The following MTRF1 variants were observed in gnomAD, a reference collection of about 807,000 sequenced individuals.
MTRF1 encodes the protein mitochondrial translation release factor 1, also known as peptide chain release factor 1, mitochondrial.
A neutral mutation model predicts 62.9 loss-of-function variants in MTRF1; 51 were observed. That is an observed-to-expected ratio of 0.81 (90% CI 0.65 to 1.02). The LOEUF (loss-of-function observed/expected upper bound fraction) is 1.02, where lower values mean the gene tolerates loss of function less well. Among genes scored for constraint, MTRF1 ranks in the 50% least tolerant of loss-of-function variants. MTRF1 has a pLI of 0.00. For missense variants in MTRF1, 446 were observed against 530.0 expected (o/e 0.84, Z 1.56); for synonymous variants, 158 against 181.9 (o/e 0.87, Z 1.06).
the MTRF1 span, among the ~76,000 whole-genome samples, chr13:41,273,240 G>A: frequency 6.6e-6 from 1 of 151,906 alleles, no homozygotes; most frequent in Non-Finnish European, 1.5e-5. Flanking sequence ...GCAGGAGAAT[G>A]GCATGAACCC....
intron 5 of MTRF1, among the ~76,000 whole-genome samples, chr13:41,246,544 T>C (rs2038282990): frequency 6.6e-6 from 1 of 152,202 alleles, no homozygotes; most frequent in South Asian, 2.1e-4. Context: ...AAGTCCAACA[T>C]AGCTGATCTT....
intron 8 of MTRF1, among the ~76,000 whole-genome samples, chr13:41,226,065 CAT>C (rs1361944277): frequency 6.6e-6 from 1 of 152,114 alleles, no homozygotes; most frequent in Non-Finnish European, 1.5e-5. Flanking sequence ...TTTGATCTCA[CAT>C]AGAGTTATAG....
chr13:41,299,590 A>C, the MTRF1 span, among the ~76,000 whole-genome samples: 1 of 152,220 alleles, frequency 6.6e-6, no homozygotes, highest in Non-Finnish European at 1.5e-5. Context: ...AGGAAGACTC[A>C]GTTATAGAAG....
intron 6 of MTRF1, among the ~76,000 whole-genome samples, chr13:41,234,954 A>C (rs1174436707): frequency 6.6e-6 from 1 of 152,194 alleles, no homozygotes; most frequent in Non-Finnish European, 1.5e-5. Flanking sequence ...AGCATCAGGC[A>C]AGTCACCTGA....
At chr13:41,290,772 A>C in the MTRF1 span, among the ~76,000 whole-genome samples, 1 of 151,750 alleles carries the variant, frequency 6.6e-6, no homozygotes, top group Non-Finnish European at 1.5e-5. Context: ...CTAAAACTGC[A>C]ATTACTTTTG....
chr13:41,260,913 C>T lies in MTRF1; in HGVS notation c.-6G>A. 6.3e-7 allele frequency: 1 copy of T among 1,584,504 alleles called. No individual in the cohort carries two copies. Among genetic ancestry groups the T allele is most frequent in the Non-Finnish European group, 8.6e-7 (1 of 1,165,276 alleles). On this transcript the variant is annotated splice_region_variant and 5_prime_UTR_variant, in exon 2 of 10. It removes an upstream start codon present in the reference 5' UTR. Transcript: ENST00000379480. Reference sequence around the variant, plus strand: ...ACACACAGGTGACGATTCATCTCAGCATCTGAAATACAATAAACACAGTCT... The same window carrying T: ...ACACACAGGTGACGATTCATCTCAGTATCTGAAATACAATAAACACAGTCT...
At chr13:41,301,747 C>CA in the MTRF1 span, among the ~76,000 whole-genome samples, 659 of 131,672 alleles carry the variant, frequency 5.0e-3, 2 homozygotes, top group African/African-American at 0.013. Flanking sequence ...GACTCCGTCT[C>CA]AAAAAAAAAA....
At chr13:41,257,622 AC>A (rs1313829927) in intron 2 of MTRF1, 2 of 202,724 alleles carry the variant, frequency 9.9e-6, no homozygotes, top group Non-Finnish European at 2.2e-5. Context: ...ACACAGTGAG[AC>A]CTCATCTTTA....
At chr13:41,284,084 T>G in the MTRF1 span, among the ~76,000 whole-genome samples, 1 of 151,840 alleles carries the variant, frequency 6.6e-6, no homozygotes, top group African/African-American at 2.4e-5. Context: ...TTACCTTAAT[T>G]CTATCAACAC....
chr13:41,307,744 C>T, the MTRF1 span, among the ~76,000 whole-genome samples: 1 of 152,136 alleles, frequency 6.6e-6, no homozygotes, highest in Non-Finnish European at 1.5e-5. Context: ...CCCAGCCATG[C>T]TTCCTGTATA....
intron 1 of MTRF1, 75 bp from the exon 2 acceptor site, chr13:41,260,990 A>G: frequency 7.5e-7 from 1 of 1,330,406 alleles, no homozygotes; most frequent in Non-Finnish European, 1.0e-6. Flanking sequence ...TGGAAGGAAC[A>G]TCAAGAAATC....
At chr13:41,227,243 T>C (rs2034601033) in intron 7 of MTRF1, among the ~76,000 whole-genome samples, 1 of 151,412 alleles carries the variant, frequency 6.6e-6, no homozygotes. Context: ...GCCGAGATTA[T>C]GCCTGGTGAC....
At chr13:41,273,617 C>A in the MTRF1 span, among the ~76,000 whole-genome samples, 4 of 152,150 alleles carry the variant, frequency 2.6e-5, no homozygotes, top group Non-Finnish European at 4.4e-5. Flanking sequence ...GCAGGTGGAT[C>A]ACCTGAGGTC....
the MTRF1 span, among the ~76,000 whole-genome samples, chr13:41,307,907 TTATAAC>T: frequency 6.6e-6 from 1 of 152,202 alleles, no homozygotes; most frequent in Non-Finnish European, 1.5e-5. Context: ...ATATGAGTAT[TTATAAC>T]TATATATAAC....
the MTRF1 span, among the ~76,000 whole-genome samples, chr13:41,288,477 T>C: frequency 8.5e-5 from 13 of 152,288 alleles, no homozygotes; most frequent in South Asian, 2.1e-3. Flanking sequence ...AAAATGGGAA[T>C]CTTTTGAAAA....
intron 7 of MTRF1, 100 bp from the exon 8 acceptor site, chr13:41,226,668 A>G: frequency 4.6e-6 from 6 of 1,318,104 alleles, no homozygotes; most frequent in Non-Finnish European, 5.3e-6. Flanking sequence ...GGAAAAGATC[A>G]CAAAAGATAC....
chr13:41,253,788 T>C (rs1202741668), intron 3 of MTRF1, among the ~76,000 whole-genome samples: 1 of 152,230 alleles, frequency 6.6e-6, no homozygotes, highest in Non-Finnish European at 1.5e-5. Flanking sequence ...TTTGATTAAC[T>C]GGTTCAATTT....
At chr13:41,259,525 C>A (rs967644585) in intron 2 of MTRF1, among the ~76,000 whole-genome samples, 2 of 151,432 alleles carry the variant, frequency 1.3e-5, no homozygotes, top group Non-Finnish European at 2.9e-5. Flanking sequence ...CATGGTGAAA[C>A]CCCGTCTCTA....
At chr13:41,281,879 G>C in the MTRF1 span, among the ~76,000 whole-genome samples, 1 of 152,162 alleles carries the variant, frequency 6.6e-6, no homozygotes, top group Non-Finnish European at 1.5e-5. Flanking sequence ...GCTCATGCCT[G>C]TAATCCCAGC....
Sources: allele counts gnomAD v4.1 joint callset (sites outside exome capture counted in the v4.1 genomes callset), GRCh38; gene constraint gnomAD v4.1.1; transcripts MANE v1.5; gene names NCBI Gene and HGNC (gene_info 2026-07-23, HGNC 2026-07-21).